Variants in NBEA observed in about 807,000 individuals in gnomAD.
NBEA encodes the protein lysosomal-trafficking regulator 2.
A neutral mutation model predicts 343.4 loss-of-function variants in NBEA; 44 were observed. That is an observed-to-expected ratio of 0.13 (90% CI 0.10 to 0.16). NBEA has a LOEUF of 0.16. NBEA is among the 10% of genes least tolerant of loss of function. The probability of loss-of-function intolerance (pLI) is 1.00; values close to 1 mark genes in which losing one functional copy is unlikely to be tolerated. For missense variants in NBEA, 2,555 were observed against 3,631.3 expected (o/e 0.70, Z 7.62); for synonymous variants, 1,175 against 1,238.7 (o/e 0.95, Z 1.08).
intron 25 of NBEA, among the ~76,000 whole-genome samples, chr13:35,170,276 C>T (rs2070362296): frequency 6.6e-6 from 1 of 151,658 alleles, no homozygotes; most frequent in Non-Finnish European, 1.5e-5. Flanking sequence ...GAATAGATAC[C>T]TATTACATAT....
intron 36 of NBEA, among the ~76,000 whole-genome samples, chr13:35,311,561 A>T (rs1199501294): frequency 6.6e-6 from 1 of 152,120 alleles, no homozygotes; most frequent in Non-Finnish European, 1.5e-5. Context: ...TTTAAAAAAA[A>T]TTTCAATCTA....
At chr13:35,154,175 G>T (rs1489668648) in intron 18 of NBEA, among the ~76,000 whole-genome samples, 1 of 152,078 alleles carries the variant, frequency 6.6e-6, no homozygotes, top group African/African-American at 2.4e-5. Context: ...TCTTTTTTAT[G>T]AACATTCCTA....
At chr13:35,121,926 A>C (rs922571241) in intron 16 of NBEA, among the ~76,000 whole-genome samples, 16 of 152,308 alleles carry the variant, frequency 1.1e-4, no homozygotes, top group Admixed American at 2.6e-4. Flanking sequence ...AAAGCACACT[A>C]TAATGTTACA....
At chr13:35,665,015 T>A (rs1207872934) in intron 55 of NBEA, 70 bp from the exon 56 acceptor site, 5 of 1,024,794 alleles carry the variant, frequency 4.9e-6, no homozygotes, top group Middle Eastern at 2.0e-4. Context: ...TTTTGAATAT[T>A]GCATTGCTGG....
chr13:35,528,286 T>C (rs2078081346), intron 41 of NBEA, among the ~76,000 whole-genome samples: 1 of 152,252 alleles, frequency 6.6e-6, no homozygotes, highest in Non-Finnish European at 1.5e-5. Flanking sequence ...TTTGTCTTTT[T>C]TTGTTCTCTT....
intron 36 of NBEA, among the ~76,000 whole-genome samples, chr13:35,346,138 A>G (rs1227535381): frequency 6.6e-6 from 1 of 152,118 alleles, no homozygotes; most frequent in East Asian, 1.9e-4. Flanking sequence ...CCCCACAGCC[A>G]TGCTGCTTTG....
chr13:35,352,070 C>T, intron 37 of NBEA, 87 bp from the exon 38 acceptor site: 1 of 786,510 alleles, frequency 1.3e-6, no homozygotes, highest in Non-Finnish European at 1.8e-6. Context: ...AGTTGAATTC[C>T]TGTTACCGTT....
At chr13:35,090,031 G>A (rs1474956373) in intron 10 of NBEA, among the ~76,000 whole-genome samples, 3 of 149,302 alleles carry the variant, frequency 2.0e-5, no homozygotes, top group East Asian at 3.9e-4. Flanking sequence ...TGCATAATGT[G>A]CACATGTACC....
rs1566388814 is a variant in NBEA at position 35,161,901 on chromosome 13, C to T, written c.4013C>T (p.Pro1338Leu). ...CGTATTCCTGAGTTTAAATGGTCTCCAATGCACCAGCGGCTTCTCACTGAT... is the reference window on the plus strand; with the variant it reads ...CGTATTCCTGAGTTTAAATGGTCTCTAATGCACCAGCGGCTTCTCACTGAT... ...MFRIPEFKWS[P>L]MHQRLLTDLL... The change falls in exon 23 of 59, where the codon CCA (proline) becomes CTA (leucine). Residue 1338 changes from proline to leucine, a missense_variant. Physicochemically the swap from Pro to Leu is moderately conservative, Grantham distance 98. This residue lies in a region of NBEA where 69 missense variants were observed against 128.8 expected (regional missense o/e 0.54). Coordinates refer to ENST00000379939, the MANE Select transcript of NBEA (RefSeq NM_001385012.1). 6.3e-7 allele frequency: 1 copy of T among 1,578,194 alleles called. No homozygotes were observed. Among genetic ancestry groups the T allele is most frequent in the Non-Finnish European group, 8.6e-7 (1 of 1,161,690 alleles).
At chr13:35,290,154 T>G (rs1213089752) in intron 34 of NBEA, among the ~76,000 whole-genome samples, 1 of 151,762 alleles carries the variant, frequency 6.6e-6, no homozygotes, top group African/African-American at 2.4e-5. Context: ...CACATCATCT[T>G]GTGACAAACC....
At chr13:35,288,150 C>T (rs928570568) in intron 34 of NBEA, among the ~76,000 whole-genome samples, 1 of 152,088 alleles carries the variant, frequency 6.6e-6, no homozygotes. Context: ...GAGACGTACA[C>T]TTGTAAAATA....
At chr13:35,104,405 T>C (rs1351331108) in intron 11 of NBEA, among the ~76,000 whole-genome samples, 2 of 151,974 alleles carry the variant, frequency 1.3e-5, no homozygotes, top group African/African-American at 4.8e-5. Flanking sequence ...GGGCAATGTA[T>C]ATATATTTTT....
chr13:35,118,044 T>C (rs1274002271), intron 14 of NBEA, among the ~76,000 whole-genome samples, 184 bp from the exon 15 acceptor site: 4 of 152,122 alleles, frequency 2.6e-5, no homozygotes, highest in African/African-American at 4.8e-5. Flanking sequence ...GATATAATTT[T>C]CTAAATATTT....
intron 11 of NBEA, 110 bp from the exon 12 acceptor site, chr13:35,109,180 A>T: frequency 1.1e-6 from 1 of 913,832 alleles, no homozygotes; most frequent in Non-Finnish European, 1.5e-6. Context: ...TTTATTTCAT[A>T]TTTATTAGGG....
At chr13:34,998,843 C>T (rs1045730111) in intron 1 of NBEA, among the ~76,000 whole-genome samples, 12 of 152,118 alleles carry the variant, frequency 7.9e-5, no homozygotes, top group South Asian at 6.2e-4. Context: ...ACGAAGATGA[C>T]GGGATTAAGA....
At chr13:34,976,013 G>A (rs890397327) in intron 1 of NBEA, among the ~76,000 whole-genome samples, 5 of 152,130 alleles carry the variant, frequency 3.3e-5, no homozygotes, top group African/African-American at 7.2e-5. Context: ...AAACAGTGTC[G>A]AGATTCCTTA....
intron 31 of NBEA, among the ~76,000 whole-genome samples, chr13:35,204,967 G>A (rs996416787): frequency 6.6e-6 from 1 of 152,072 alleles, no homozygotes; most frequent in African/African-American, 2.4e-5. Flanking sequence ...TTTTATAAGA[G>A]TTGAAAATTT....
At chr13:35,307,280 T>C (rs1166590485) in intron 35 of NBEA, among the ~76,000 whole-genome samples, 1 of 151,978 alleles carries the variant, frequency 6.6e-6, no homozygotes, top group African/African-American at 2.4e-5. Context: ...TATCCTACAA[T>C]TTCCTCTGGC....
intron 30 of NBEA, among the ~76,000 whole-genome samples, chr13:35,187,388 G>A (rs550892727): frequency 9.3e-5 from 14 of 151,022 alleles, no homozygotes; most frequent in East Asian, 5.8e-4. Flanking sequence ...GCTTTCTCTC[G>A]GTTTATTACT....
Sources: gnomAD v4.1 joint callset for allele counts (sites outside exome capture counted in the v4.1 genomes callset) on GRCh38, gnomAD v4.1.1 for gene constraint, gnomAD v4.1.1 regional missense constraint, MANE v1.5 for transcripts, NCBI Gene and HGNC (gene_info 2026-07-23, HGNC 2026-07-21) for gene names.